TMEM132C: variants seen among roughly 807,000 people sequenced by gnomAD.
TMEM132C encodes transmembrane protein 132C.
Under a neutral mutation model 61.4 loss-of-function variants are expected in TMEM132C, and 29 were observed. The observed-to-expected ratio is 0.47, with a 90% CI of 0.35 to 0.64. The LOEUF (loss-of-function observed/expected upper bound fraction) is 0.64. TMEM132C is among the 30% of genes least tolerant of loss of function. The probability of loss-of-function intolerance (pLI) is 0.00; values close to 1 mark genes in which losing one functional copy is unlikely to be tolerated. For synonymous variants in TMEM132C, 656 were observed against 633.1 expected, an observed-to-expected ratio of 1.04 and a Z score of -0.54; for missense variants, 1,408 against 1,476.9, an observed-to-expected ratio of 0.95 and a Z score of 0.76.
chr12:128,393,289 C>G (rs1026634403), intron 1 of TMEM132C, among the ~76,000 whole-genome samples: 1 of 152,218 alleles, frequency 6.6e-6, no homozygotes, highest in African/African-American at 2.4e-5. Flanking sequence ...TGGAAAGTCT[C>G]TCCCCACTTT....
At chr12:128,422,977 A>G (rs1196407965) in intron 2 of TMEM132C, among the ~76,000 whole-genome samples, 1 of 152,166 alleles carries the variant, frequency 6.6e-6, no homozygotes, top group East Asian at 1.9e-4. Context: ...CTCAAACATA[A>G]CTGAAAATAG....
chr12:128,636,541 T>C (rs903481756), intron 4 of TMEM132C, among the ~76,000 whole-genome samples: 121 of 149,040 alleles, frequency 8.1e-4, no homozygotes, highest in African/African-American at 2.8e-3. Flanking sequence ...GGTTTTGTTC[T>C]GTTTTGTTTT....
intron 1 of TMEM132C, among the ~76,000 whole-genome samples, chr12:128,375,144 T>G (rs973222261): frequency 6.6e-6 from 1 of 151,880 alleles, no homozygotes; most frequent in Non-Finnish European, 1.5e-5. Context: ...AAAGATGCCC[T>G]TAGATCTTAC....
At chr12:128,310,927 G>C (rs1871944260) in intron 1 of TMEM132C, among the ~76,000 whole-genome samples, 1 of 152,144 alleles carries the variant, frequency 6.6e-6, no homozygotes, top group African/African-American at 2.4e-5. Flanking sequence ...AGATGATGGA[G>C]ATCTCAAGTA....
intron 8 of TMEM132C, among the ~76,000 whole-genome samples, chr12:128,702,014 C>T (rs1954807729): frequency 6.6e-6 from 1 of 151,776 alleles, no homozygotes. Context: ...ATTCTCCTGC[C>T]TCAGCCTCCT....
At chr12:128,324,212 T>C (rs1872431298) in intron 1 of TMEM132C, among the ~76,000 whole-genome samples, 1 of 152,148 alleles carries the variant, frequency 6.6e-6, no homozygotes, top group African/African-American at 2.4e-5. Flanking sequence ...AGAGGGTTGC[T>C]TACCAGATGT....
chr12:128,345,248 A>G (rs1593019044), intron 1 of TMEM132C, among the ~76,000 whole-genome samples: 1 of 151,952 alleles, frequency 6.6e-6, no homozygotes, highest in East Asian at 1.9e-4. Context: ...ATTCCTTTTT[A>G]TGGCTGCGTA....
chr12:128,696,276 G>A (rs1372508854), intron 7 of TMEM132C, among the ~76,000 whole-genome samples, 173 bp downstream of exon 7: 4 of 152,112 alleles, frequency 2.6e-5, no homozygotes, highest in Non-Finnish European at 5.9e-5. Context: ...AAACAGAATG[G>A]AGAAGGTGGC....
chr12:128,296,014 T>TC (rs1280070473), intron 1 of TMEM132C, among the ~76,000 whole-genome samples: 2 of 152,202 alleles, frequency 1.3e-5, no homozygotes, highest in African/African-American at 4.8e-5. Flanking sequence ...TCTCTGTACC[T>TC]CCCCTTGCCT....
rs146448582 is a variant in TMEM132C, at chr12:128,470,122, G to A, written c.974+54502G>A. Among the ~76,000 whole-genome samples, 521 of 152,280 alleles carry A rather than the reference G, an allele frequency of 3.4e-3. 1 individual carries two copies. Among genetic ancestry groups the A allele is most frequent in the Non-Finnish European group, 4.8e-3 (329 of 68,032 alleles). ...TGATTTGAAGTTTCCTGTTCCAAGTGGACCAGCTTCTGAAAAGCCGGAGTG... is the reference window on the plus strand; with the variant it reads ...TGATTTGAAGTTTCCTGTTCCAAGTAGACCAGCTTCTGAAAAGCCGGAGTG... On this transcript the variant is annotated intron_variant, in intron 2 of 8. Coordinates refer to ENST00000435159, the MANE Select transcript of TMEM132C (RefSeq NM_001136103.3).
intron 6 of TMEM132C, 66 bp downstream of exon 6, chr12:128,694,100 A>G: frequency 4.0e-6 from 6 of 1,482,696 alleles, no homozygotes; most frequent in Non-Finnish European, 5.5e-6. Flanking sequence ...CCTTAACACT[A>G]AAGGACCCAA....
chr12:128,643,574 A>G (rs996455545), intron 4 of TMEM132C, among the ~76,000 whole-genome samples: 15 of 152,084 alleles, frequency 9.9e-5, no homozygotes, highest in Non-Finnish European at 2.1e-4. Context: ...CAGTATTCGG[A>G]CACTGTATTT....
chr12:128,334,010 G>A (rs1041771244), intron 1 of TMEM132C, among the ~76,000 whole-genome samples: 22 of 152,014 alleles, frequency 1.4e-4, no homozygotes, highest in African/African-American at 5.1e-4. Context: ...ATGTGACTGT[G>A]TGACCAGGTG....
intron 2 of TMEM132C, among the ~76,000 whole-genome samples, chr12:128,452,134 C>T (rs117381616): frequency 0.028 from 4,302 of 152,086 alleles, 106 homozygotes; most frequent in Middle Eastern, 0.048. Context: ...CACTCTGTCA[C>T]CCAGGCTGGA....
At chr12:128,647,538 C>G (rs1233904952) in intron 4 of TMEM132C, among the ~76,000 whole-genome samples, 1 of 151,594 alleles carries the variant, frequency 6.6e-6, no homozygotes, top group East Asian at 1.9e-4. Context: ...TGGGGTCCAT[C>G]AGCGTTTGAT....
chr12:128,627,173 A>G (rs975603597), intron 4 of TMEM132C, among the ~76,000 whole-genome samples: 6 of 152,096 alleles, frequency 3.9e-5, no homozygotes, highest in African/African-American at 1.4e-4. Context: ...CCCTGCCCCC[A>G]TTCCAGCACA....
chr12:128,280,171 C>G (rs978634892), intron 1 of TMEM132C, among the ~76,000 whole-genome samples: 2 of 152,194 alleles, frequency 1.3e-5, no homozygotes, highest in African/African-American at 4.8e-5. Context: ...TTAAAGGTCT[C>G]TAGCTGAGAA....
At chr12:128,327,036 A>G (rs536483998) in intron 1 of TMEM132C, among the ~76,000 whole-genome samples, 2 of 150,058 alleles carry the variant, frequency 1.3e-5, no homozygotes, top group Admixed American at 6.6e-5. Flanking sequence ...GTCTGTGTGC[A>G]GATTACATCA....
chr12:128,369,449 T>C (rs1283822060), intron 1 of TMEM132C, among the ~76,000 whole-genome samples: 1 of 152,214 alleles, frequency 6.6e-6, no homozygotes, highest in African/African-American at 2.4e-5. Flanking sequence ...ATTCCCATTT[T>C]ACAGCTGAGA....
Sources: gnomAD v4.1 joint callset for allele counts (sites outside exome capture counted in the v4.1 genomes callset) on GRCh38, gnomAD v4.1.1 for gene constraint, MANE v1.5 for transcripts, NCBI Gene and HGNC (gene_info 2026-07-23, HGNC 2026-07-21) for gene names.